Variants in RASGRP1 observed in about 807,000 individuals in gnomAD.
The protein encoded by RASGRP1 is RAS guanyl-releasing protein 1.
Under a neutral mutation model 95.1 loss-of-function variants are expected in RASGRP1, and 37 were observed. The ratio of observed to expected loss-of-function variants is 0.39; its 90% CI spans 0.30 to 0.51. RASGRP1 has a LOEUF of 0.51. Among genes scored for constraint, RASGRP1 ranks in the 20% least tolerant of loss-of-function variants. RASGRP1 has a pLI of 0.80. For synonymous variants in RASGRP1, 325 were observed against 353.4 expected (o/e 0.92, Z 0.90); for missense variants, 711 against 965.4 (o/e 0.74, Z 3.49).
intron 16 of RASGRP1, among the ~76,000 whole-genome samples, chr15:38,492,780 AAAAG>A (rs1432580922): frequency 6.6e-6 from 1 of 152,172 alleles, no homozygotes; most frequent in Non-Finnish European, 1.5e-5. Context: ...ACTCGAAACA[AAAAG>A]AAGTATAGTA....
intron 1 of RASGRP1, 129 bp downstream of exon 1, chr15:38,564,465 C>T (rs1174439899): frequency 3.5e-6 from 3 of 861,728 alleles, no homozygotes; most frequent in Non-Finnish European, 4.4e-6. Flanking sequence ...CGCTGGTGTC[C>T]CGGGACTCCG....
At chr15:38,523,168 A>C (rs1398624991) in intron 3 of RASGRP1, among the ~76,000 whole-genome samples, 1 of 152,198 alleles carries the variant, frequency 6.6e-6, no homozygotes, top group African/African-American at 2.4e-5. Context: ...TAACACTATT[A>C]ACTGAAATTG....
At chr15:38,526,557 ATCC>A (rs767634906) in intron 2 of RASGRP1, among the ~76,000 whole-genome samples, 153 bp from the exon 3 acceptor site, 1 of 151,986 alleles carries the variant, frequency 6.6e-6, no homozygotes, top group Admixed American at 6.6e-5. Context: ...TGTTTTTCTC[ATCC>A]TCCTGCTACA....
intron 10 of RASGRP1, 80 bp from the exon 11 acceptor site, chr15:38,503,456 G>A (rs1891120297): frequency 1.9e-6 from 2 of 1,073,520 alleles, no homozygotes; most frequent in Admixed American, 2.1e-5. Context: ...CCCACTACCT[G>A]ACGGTTACAT....
chr15:38,499,028 G>T, intron 14 of RASGRP1, 82 bp from the exon 15 acceptor site: 1 of 1,554,480 alleles, frequency 6.4e-7, no homozygotes, highest in Non-Finnish European at 8.9e-7. Flanking sequence ...TTCATGCAGT[G>T]CTTTCTTGTC....
rs1000875268 is a variant in RASGRP1 at position 38,490,265 on chromosome 15, T to C, written c.*289A>G. ...CCAGGCAGGCCACCGAGATGCCCCATTGTCAGGAAATGATAGTCATGTTTT... is the reference window on the plus strand; with the variant it reads ...CCAGGCAGGCCACCGAGATGCCCCACTGTCAGGAAATGATAGTCATGTTTT... On this transcript the variant is annotated 3_prime_UTR_variant, in exon 17 of 17. Coordinates refer to ENST00000310803, the MANE Select transcript of RASGRP1 (RefSeq NM_005739.4). The C allele has an allele frequency of 2.9e-5, 7 of 239,988 alleles. No individual in the cohort carries two copies. The highest frequency in any genetic ancestry group is 7.9e-6 in the Non-Finnish European group (1 of 125,844). 14.9% of individuals were successfully genotyped at this position (239,988 alleles called of 1,614,324 possible).
At chr15:38,559,678 C>T in intron 2 of RASGRP1, 143 bp downstream of exon 2, 1 of 842,462 alleles carries the variant, frequency 1.2e-6, no homozygotes, top group Non-Finnish European at 1.8e-6. Flanking sequence ...ATAGGCTCTG[C>T]AGACTGTCTC....
At chr15:38,504,675 A>G (rs1011822977) in intron 10 of RASGRP1, 2 of 152,172 alleles carry the variant, frequency 1.3e-5, no homozygotes, top group Non-Finnish European at 2.9e-5. Flanking sequence ...GATAAAAAGT[A>G]TTGTATAGTA....
At chr15:38,539,742 C>A (rs1048870140) in intron 2 of RASGRP1, among the ~76,000 whole-genome samples, 3 of 151,714 alleles carry the variant, frequency 2.0e-5, no homozygotes, top group Non-Finnish European at 4.4e-5. Context: ...CCACAACAGT[C>A]CCCAGAGTGT....
chr15:38,503,565 T>TA lies in RASGRP1; in HGVS notation c.1324-190dup, dbSNP rs1445580307. The TA allele has an allele frequency of 1.2e-4, 75 of 601,416 alleles. No homozygotes were observed. The African/African-American group carries it at 1.3e-3, about 11-fold the overall frequency. 37.3% of individuals were successfully genotyped at this position (601,416 alleles called of 1,614,324 possible). A position where few individuals can be genotyped will look rare whatever the true frequency, so the allele number is the denominator to read the frequency against. On this transcript the variant is annotated intron_variant, in intron 10 of 16. Transcript: ENST00000310803. ...ATTTTGGCTAACAAGGCATTGTGCTTACGGTTTCCAGAGTGCTCTTCACAT... is the reference window on the plus strand; with the variant it reads ...ATTTTGGCTAACAAGGCATTGTGCTTAACGGTTTCCAGAGTGCTCTTCACAT...
chr15:38,497,613 A>G (rs946134584), intron 15 of RASGRP1, among the ~76,000 whole-genome samples: 5 of 152,150 alleles, frequency 3.3e-5, no homozygotes, highest in African/African-American at 1.2e-4. Flanking sequence ...TGTCACTGCA[A>G]CCTATTTGGC....
In RASGRP1 at chr15:38,496,655, T is replaced by G. The variant is rs1374897586; in HGVS notation, c.1874-1888A>C. On this transcript the variant is annotated intron_variant, in intron 15 of 16. Transcript: ENST00000310803. ...CTTAGTTGATTAGCATATTCTTTCTTAGAAAAGACCCTAAGAGGATTTTTT... is the reference window on the plus strand; with the variant it reads ...CTTAGTTGATTAGCATATTCTTTCTGAGAAAAGACCCTAAGAGGATTTTTT... Among the ~76,000 whole-genome samples the G allele has an allele frequency of 1.3e-5, 2 of 152,214 alleles. 1 individual carries two copies. The highest frequency in any genetic ancestry group is 4.8e-5 in the African/African-American group (2 of 41,454).
At chr15:38,497,992 A>G (rs1178792493) in intron 15 of RASGRP1, among the ~76,000 whole-genome samples, 4 of 152,148 alleles carry the variant, frequency 2.6e-5, no homozygotes, top group Non-Finnish European at 5.9e-5. Flanking sequence ...CTGGCCCCTC[A>G]GGGTTCCTCA....
At chr15:38,514,002 T>C (rs1891654695) in intron 6 of RASGRP1, among the ~76,000 whole-genome samples, 1 of 152,208 alleles carries the variant, frequency 6.6e-6, no homozygotes, top group Non-Finnish European at 1.5e-5. Flanking sequence ...AGATGAAGCC[T>C]CCATCATCTG....
At chr15:38,510,453 C>A (rs1171411964) in intron 8 of RASGRP1, among the ~76,000 whole-genome samples, 1 of 152,174 alleles carries the variant, frequency 6.6e-6, no homozygotes, top group Non-Finnish European at 1.5e-5. Context: ...ATAAAAGACT[C>A]CCCAAAAGGG....
intron 3 of RASGRP1, among the ~76,000 whole-genome samples, 177 bp from the exon 4 acceptor site, chr15:38,519,548 A>G (rs1453584923): frequency 2.0e-5 from 3 of 152,236 alleles, no homozygotes; most frequent in African/African-American, 4.8e-5. Flanking sequence ...AGCTGTATGC[A>G]TATTATTGCC....
intron 16 of RASGRP1, among the ~76,000 whole-genome samples, chr15:38,493,482 G>A (rs753893579): frequency 6.6e-5 from 10 of 151,994 alleles, no homozygotes; most frequent in Non-Finnish European, 1.3e-4. Flanking sequence ...CTATTTTCCT[G>A]TTTTTAATGT....
chr15:38,512,802 T>C lies in RASGRP1; in HGVS notation c.830A>G (p.Lys277Arg), dbSNP rs761190592. 47 of 1,613,628 alleles carry C rather than the reference T, an allele frequency of 2.9e-5. No homozygotes were observed. The highest frequency in any genetic ancestry group is 3.6e-5 in the Non-Finnish European group (43 of 1,179,754). ...ATTCACCTGAGCCACCTGGATGAAC[T>C]TGATGAAGACTTCTGCTCGGAGCTG... ...TPQLRAEVFI[K>R]FIQVAQKLHQ... Residue 277 changes from lysine to arginine, a missense_variant, in exon 7 of 17, where the codon AAG (lysine) becomes AGG (arginine). By Grantham distance (26) the Lys-to-Arg change is conservative (BLOSUM62 2). This residue lies in a region of RASGRP1 where 491 missense variants were observed against 676.6 expected (regional missense o/e 0.73). Transcript: ENST00000310803.
In RASGRP1 at chr15:38,526,507, A is replaced by G. The variant is rs1815427907; in HGVS notation, c.221-103T>C. The G allele has an allele frequency of 7.6e-6, 6 of 789,776 alleles. No homozygotes were observed. The East Asian group carries it at 1.6e-4, about 21-fold the overall frequency. The allele number at this position is 789,776 out of a possible 1,614,324, so 48.9% of individuals were successfully genotyped here. On this transcript the variant is annotated intron_variant, in intron 2 of 16. Coordinates refer to ENST00000310803, the MANE Select transcript of RASGRP1 (RefSeq NM_005739.4). ...GTGACTCAGGTGCAATCCTTCAGGC[A>G]CAGTGATTTTCTTCCACTGCCCCTA...
Sources: gnomAD v4.1 joint callset for allele counts (sites outside exome capture counted in the v4.1 genomes callset) on GRCh38, gnomAD v4.1.1 for gene constraint, gnomAD v4.1.1 regional missense constraint, MANE v1.5 for transcripts, NCBI Gene and HGNC (gene_info 2026-07-23, HGNC 2026-07-21) for gene names.